PHLDB2: variants seen among roughly 807,000 people sequenced by gnomAD.
The protein encoded by PHLDB2 is pleckstrin homology-like domain family B member 2.
In PHLDB2, 71 loss-of-function variants were observed where a neutral mutation model predicts 123.6. The ratio of observed to expected loss-of-function variants is 0.57; its 90% CI spans 0.47 to 0.70. The LOEUF is 0.70. PHLDB2 is among the 30% of genes least tolerant of loss of function. The pLI is 0.00. For synonymous variants in PHLDB2, 547 were observed against 541.6 expected, an observed-to-expected ratio of 1.01 and a Z score of -0.14; for missense variants, 1,446 against 1,519.5, an observed-to-expected ratio of 0.95 and a Z score of 0.80.
intron 2 of PHLDB2, among the ~76,000 whole-genome samples, chr3:111,901,297 T>A (rs1577039781): frequency 6.6e-6 from 1 of 151,514 alleles, no homozygotes; most frequent in East Asian, 2.0e-4. Flanking sequence ...ATGCTGGAGG[T>A]TGCAGTGAGC....
At chr3:111,744,339 T>C (rs1308268455) in intron 1 of PHLDB2, among the ~76,000 whole-genome samples, 2 of 152,348 alleles carry the variant, frequency 1.3e-5, no homozygotes, top group East Asian at 3.9e-4. Flanking sequence ...TTGCTGCTGG[T>C]GGAAGTGTCA....
chr3:111,886,157 T>C (rs1240842408), intron 2 of PHLDB2, among the ~76,000 whole-genome samples: 1 of 152,258 alleles, frequency 6.6e-6, no homozygotes, highest in Non-Finnish European at 1.5e-5. Flanking sequence ...TGAATATCTG[T>C]GAGAGATTAC....
chr3:111,831,032 A>AGGAG (rs2062999105), intron 1 of PHLDB2, among the ~76,000 whole-genome samples: 1 of 62,952 alleles, frequency 1.6e-5, no homozygotes. Context: ...AAAGAAAGAA[A>AGGAG]GGAAGGAAGG....
At chr3:111,971,715 G>A (rs1382463103) in intron 16 of PHLDB2, among the ~76,000 whole-genome samples, 1 of 152,036 alleles carries the variant, frequency 6.6e-6, no homozygotes, top group African/African-American at 2.4e-5. Context: ...CGCAATTTAC[G>A]CTGTACTTAA....
intron 2 of PHLDB2, among the ~76,000 whole-genome samples, chr3:111,911,102 G>A (rs2107496568): frequency 6.6e-6 from 1 of 152,326 alleles, no homozygotes; most frequent in South Asian, 2.1e-4. Flanking sequence ...CAATACCACT[G>A]CAGAAAAAGA....
At chr3:111,908,282 A>G (rs1405979787) in intron 2 of PHLDB2, among the ~76,000 whole-genome samples, 1 of 152,228 alleles carries the variant, frequency 6.6e-6, no homozygotes, top group Non-Finnish European at 1.5e-5. Flanking sequence ...TTTATTACCC[A>G]ATAAGTAACT....
At chr3:111,892,958 A>G (rs756853972) in intron 2 of PHLDB2, among the ~76,000 whole-genome samples, 1 of 152,232 alleles carries the variant, frequency 6.6e-6, no homozygotes, top group Non-Finnish European at 1.5e-5. Context: ...GGTTGGTATT[A>G]TTTAATGTTG....
intron 1 of PHLDB2, among the ~76,000 whole-genome samples, chr3:111,818,816 C>T (rs776820652): frequency 6.6e-5 from 10 of 152,046 alleles, no homozygotes; most frequent in Non-Finnish European, 1.2e-4. Flanking sequence ...CCCCTTGAAC[C>T]TTGGTCACTA....
At position 111,851,238 on chromosome 3, in the gene PHLDB2, C is replaced by A. The variant is rs949331304; in HGVS notation, c.67+5303C>A. Among the ~76,000 whole-genome samples, 7 of 148,534 alleles carry A rather than the reference C, an allele frequency of 4.7e-5. No homozygotes were observed. In the East Asian group the frequency reaches 1.4e-3, roughly 29 times the overall value. On this transcript the variant is annotated intron_variant, in intron 2 of 17. Transcript: ENST00000393923. ...AAAAGGTTTTTACTAGTGTTCTTTGCGATTCTCCTGAGAGAAGCAATGACA... is the reference window on the plus strand; with the variant it reads ...AAAAGGTTTTTACTAGTGTTCTTTGAGATTCTCCTGAGAGAAGCAATGACA...
chr3:111,939,713 A>G (rs2069739248), intron 7 of PHLDB2, 83 bp downstream of exon 7: 1 of 1,360,226 alleles, frequency 7.4e-7, no homozygotes, highest in Admixed American at 2.2e-5. Context: ...CTGTCTGAAT[A>G]TCACATTTGA....
intron 1 of PHLDB2, among the ~76,000 whole-genome samples, chr3:111,802,664 T>C (rs2061420105): frequency 6.6e-6 from 1 of 152,224 alleles, no homozygotes; most frequent in African/African-American, 2.4e-5. Flanking sequence ...GTGAGTAATA[T>C]GTGAAAGTTT....
chr3:111,848,033 G>A (rs1422335532), intron 2 of PHLDB2, among the ~76,000 whole-genome samples: 2 of 152,102 alleles, frequency 1.3e-5, no homozygotes, highest in Admixed American at 6.6e-5. Flanking sequence ...ATTAGGACAT[G>A]TTACGTCTGC....
chr3:111,867,829 G>T (rs1343818916), intron 1 of PHLDB2, among the ~76,000 whole-genome samples: 1 of 151,364 alleles, frequency 6.6e-6, no homozygotes, highest in African/African-American at 2.4e-5. Context: ...AACCTTCCCA[G>T]TAGCTGGGAC....
rs114227915 is a variant in PHLDB2 at position 111,927,833 on chromosome 3, G to A, written c.2002-4436G>A. Among the ~76,000 whole-genome samples the A allele has an allele frequency of 4.6e-3, 706 of 152,118 alleles. 8 individuals are homozygous for A. Among genetic ancestry groups the A allele is most frequent in the African/African-American group, 0.016 (662 of 41,500 alleles). The stretch of plus-strand genomic sequence containing the variant: ...AATATGATAAAATGATTTTTTAATT[G>A]GTATCCTAGAATATTCTGTGTAGTA... On this transcript the variant is annotated intron_variant, in intron 5 of 17. Coordinates refer to ENST00000431670, the MANE Select transcript of PHLDB2 (RefSeq NM_001134438.2).
In PHLDB2 at chr3:111,920,477, A is replaced by G. The variant is rs1389571456; in HGVS notation, c.2001+58A>G. 3.2e-6 allele frequency: 5 copies of G among 1,572,578 alleles called. No homozygotes were observed. The South Asian group carries it at 3.6e-5, about 11-fold the overall frequency. ...ATGGGCAAAGTGGTGGTCCCAGTTG[A>G]TTGAATTTAAATGTTGAATGCATTA... On this transcript the variant is annotated intron_variant, in intron 5 of 17. Transcript: ENST00000431670.
chr3:111,949,058 C>A lies in PHLDB2; in HGVS notation c.2614C>A (p.Gln872Lys). 2 of 1,613,860 alleles carry A rather than the reference C, an allele frequency of 1.2e-6. No individual in the cohort carries two copies. Among genetic ancestry groups the A allele is most frequent in the South Asian group, 1.1e-5 (1 of 91,080 alleles). ...GCCTGCCACAGCTGTGCTGGCGAGC[C>A]AGCCACAGAGTAAAGAGGTGTGTAG... ...TEPATAVLASQPQSKEHFRSL... is the reference protein window; with the variant it reads ...TEPATAVLASKPQSKEHFRSL... The change falls in exon 10 of 18, where the codon CAG becomes AAG. Residue 872 changes from glutamine to lysine, a missense_variant. Gln to Lys is a moderately conservative substitution (Grantham distance 53, BLOSUM62 1). Transcript: ENST00000431670.
Position 111,870,386 on chromosome 3 carries a change from C to T in PHLDB2, c.-15+10810C>T, listed in dbSNP as rs556989678. On this transcript the variant is annotated intron_variant, in intron 1 of 17. Coordinates refer to ENST00000431670, the MANE Select transcript of PHLDB2 (RefSeq NM_001134438.2). ...TTTGTGAAGTAGCTAGGTCTATTTG[C>T]AGAGGGGGAGTTGAGGGGACTAAGG... is the stretch of plus-strand genomic sequence containing the variant. Among the ~76,000 whole-genome samples, 4 of 152,040 alleles carry T rather than the reference C, an allele frequency of 2.6e-5. No individual in the cohort carries two copies. In the South Asian group the frequency reaches 8.3e-4, roughly 32 times the overall value.
chr3:111,827,730 C>G (rs2062737489), intron 1 of PHLDB2, among the ~76,000 whole-genome samples: 1 of 147,124 alleles, frequency 6.8e-6, no homozygotes, highest in South Asian at 2.2e-4. Context: ...AAAAACTGAG[C>G]AACTCGGTTC....
chr3:111,766,297 G>C (rs1441170283), intron 1 of PHLDB2, among the ~76,000 whole-genome samples: 1 of 151,712 alleles, frequency 6.6e-6, no homozygotes, highest in Non-Finnish European at 1.5e-5. Context: ...AAAAAAATTA[G>C]CCGGGCATGG....
Sources: gnomAD v4.1 joint callset for allele counts (sites outside exome capture counted in the v4.1 genomes callset) on GRCh38, gnomAD v4.1.1 for gene constraint, MANE v1.5 for transcripts, NCBI Gene and HGNC (gene_info 2026-07-23, HGNC 2026-07-21) for gene names.